Variants in ADTRP observed in about 807,000 individuals in gnomAD.
The protein encoded by ADTRP is androgen dependent TFPI regulating protein, also known as androgen-dependent TFPI-regulating protein.
Under a neutral mutation model 27.0 loss-of-function variants are expected in ADTRP, and 20 were observed. The observed-to-expected ratio is 0.74, with a 90% CI of 0.52 to 1.08. The LOEUF (loss-of-function observed/expected upper bound fraction) is 1.08. Ranked by LOEUF, ADTRP falls within the 50% of genes least tolerant of loss-of-function variation. The pLI is 0.00. For synonymous variants in ADTRP, 101 were observed against 105.2 expected (o/e 0.96, Z 0.25); for missense variants, 251 against 275.0 (o/e 0.91, Z 0.62).
At chr6:11,758,162 C>T in intron 3 of ADTRP, among the ~76,000 whole-genome samples, 1 of 152,128 alleles carries the variant, frequency 6.6e-6, no homozygotes, top group Admixed American at 6.5e-5. Context: ...TTCATTGGAC[C>T]TTATTCTGCA....
chr6:11,772,676 G>T (rs1045824276), intron 1 of ADTRP, among the ~76,000 whole-genome samples: 1 of 152,284 alleles, frequency 6.6e-6, no homozygotes, highest in Non-Finnish European at 1.5e-5. Context: ...AAGAATTTGC[G>T]GTGGAAGACT....
At chr6:11,719,915 G>A (rs1325261995) in intron 5 of ADTRP, among the ~76,000 whole-genome samples, 1 of 152,140 alleles carries the variant, frequency 6.6e-6, no homozygotes. Flanking sequence ...AGGTCCTGCT[G>A]TAGGCGCTAG....
chr6:11,732,276 T>G (rs900652727), intron 4 of ADTRP, among the ~76,000 whole-genome samples: 1 of 152,234 alleles, frequency 6.6e-6, no homozygotes, highest in Non-Finnish European at 1.5e-5. Context: ...TCAGCTTCAG[T>G]GCCGTTTTCC....
intron 3 of ADTRP, chr6:11,755,193 C>A (rs1454333976): frequency 2.3e-6 from 1 of 438,968 alleles, no homozygotes; most frequent in African/African-American, 2.2e-5. Flanking sequence ...CTAGTAACTT[C>A]TCAGAAGACA....
At position 11,756,448 on chromosome 6, in the gene ADTRP, G is replaced by A. The variant is rs531716054; in HGVS notation, c.390+9826C>T. Among the ~76,000 whole-genome samples, 20 of 152,220 alleles carry A rather than the reference G, an allele frequency of 1.3e-4. No individual in the cohort carries two copies. The East Asian group carries it at 3.7e-3, about 28-fold the overall frequency. On this transcript the variant is annotated intron_variant, in intron 3 of 5. Coordinates refer to ENST00000414691, the MANE Select transcript of ADTRP (RefSeq NM_032744.4). ...TTGTGATTTTAAAGACATTTCATAC[G>A]CCCTACCTTGGAAAAGTGTCATTTA...
intron 3 of ADTRP, among the ~76,000 whole-genome samples, chr6:11,754,299 G>A (rs145275770): frequency 6.6e-6 from 1 of 152,278 alleles, no homozygotes; most frequent in East Asian, 1.9e-4. Context: ...TCCAGCAAAT[G>A]CATGAGAGTG....
intron 1 of ADTRP, among the ~76,000 whole-genome samples, chr6:11,769,519 C>T (rs554656300): frequency 2.0e-5 from 3 of 152,234 alleles, no homozygotes; most frequent in African/African-American, 4.8e-5. Context: ...CTATCCCAGA[C>T]TACGGAATCA....
intron 5 of ADTRP, among the ~76,000 whole-genome samples, chr6:11,721,796 CTTG>C (rs1336040413): frequency 6.6e-6 from 1 of 152,030 alleles, no homozygotes; most frequent in Non-Finnish European, 1.5e-5. Flanking sequence ...AACAATGAGG[CTTG>C]TTAAGAACGT....
Position 11,778,754 on chromosome 6 carries a change from C to T in ADTRP, c.6G>A (p.Thr2=), listed in dbSNP as rs374417902. 153 of 1,613,644 alleles carry T rather than the reference C, an allele frequency of 9.5e-5. No individual in the cohort carries two copies. Among genetic ancestry groups the T allele is most frequent in the Admixed American group, 1.3e-4 (8 of 59,982 alleles). ...AGTGGTATATGCATGTAGAAGTCTT[C>T]GTCATGGCGAGTGCTGACCGGGGCA... M[T]KTSTCIYHFL... Residue 2 remains threonine (T), a synonymous_variant, in exon 1 of 6, where the codon ACG becomes ACA. Transcript: ENST00000414691.
chr6:11,723,175 C>T lies in ADTRP; in HGVS notation c.658+174G>A, dbSNP rs1017719364. On this transcript the variant is annotated intron_variant, in intron 5 of 5. Coordinates refer to ENST00000414691, the MANE Select transcript of ADTRP (RefSeq NM_032744.4). ...CTTTAAAAGAGTGCCCCACCCCCAA[C>T]GCTGTCCTCTTGCCTTGGCAGGACC... is the stretch of plus-strand genomic sequence containing the variant. Among the ~76,000 whole-genome samples the T allele has an allele frequency of 2.0e-5, 3 of 152,194 alleles. No homozygotes were observed. In the South Asian group the frequency reaches 6.2e-4, roughly 31 times the overall value.
chr6:11,723,309 G>A (rs2076186), intron 5 of ADTRP, 40 bp downstream of exon 5: 76,039 of 1,604,984 alleles, frequency 0.047, 6,055 homozygotes, highest in East Asian at 0.43. Context: ...AGGCAGACAC[G>A]GAAGAAGCGC....
chr6:11,742,585 T>A (rs186191300), intron 3 of ADTRP, among the ~76,000 whole-genome samples: 3 of 152,180 alleles, frequency 2.0e-5, no homozygotes, highest in Non-Finnish European at 4.4e-5. Context: ...GAAATTAAAG[T>A]TTTCCCCCTA....
intron 1 of ADTRP, among the ~76,000 whole-genome samples, chr6:11,773,566 G>A (rs1198049614): frequency 6.6e-6 from 1 of 152,210 alleles, no homozygotes; most frequent in Non-Finnish European, 1.5e-5. Flanking sequence ...CCTAAACCTT[G>A]GTCGAGGCAG....
intron 3 of ADTRP, among the ~76,000 whole-genome samples, chr6:11,765,343 T>C (rs1763533360): frequency 6.7e-6 from 1 of 148,308 alleles, no homozygotes; most frequent in African/African-American, 2.5e-5. Context: ...TTTTTTTTTT[T>C]TGAGGCAGAG....
chr6:11,744,623 A>G (rs1254594978), intron 3 of ADTRP, among the ~76,000 whole-genome samples: 1 of 152,128 alleles, frequency 6.6e-6, no homozygotes, highest in Non-Finnish European at 1.5e-5. Flanking sequence ...TTTGCTTGGT[A>G]TCTCCTCCAT....
At chr6:11,758,544 G>T (rs539472175) in intron 3 of ADTRP, among the ~76,000 whole-genome samples, 1 of 119,476 alleles carries the variant, frequency 8.4e-6, no homozygotes, top group South Asian at 3.0e-4. Flanking sequence ...CACAGGAAGG[G>T]GAACATCACA....
chr6:11,766,764 C>T (rs575220107), intron 2 of ADTRP, among the ~76,000 whole-genome samples: 6 of 152,274 alleles, frequency 3.9e-5, no homozygotes, highest in Admixed American at 1.3e-4. Flanking sequence ...GAGTCATACA[C>T]GTTCCTTGTC....
At chr6:11,775,636 C>G (rs1280049915) in intron 1 of ADTRP, among the ~76,000 whole-genome samples, 2 of 152,234 alleles carry the variant, frequency 1.3e-5, no homozygotes, top group Admixed American at 1.3e-4. Flanking sequence ...ATGGGTCACC[C>G]TGACCAATTC....
At chr6:11,724,291 G>A (rs1297656141) in intron 4 of ADTRP, among the ~76,000 whole-genome samples, 1 of 152,126 alleles carries the variant, frequency 6.6e-6, no homozygotes, top group African/African-American at 2.4e-5. Flanking sequence ...AAGTCTGCGG[G>A]GATGAGGGAG....
Sources: allele counts gnomAD v4.1 joint callset (sites outside exome capture counted in the v4.1 genomes callset), GRCh38; gene constraint gnomAD v4.1.1; transcripts MANE v1.5; gene names NCBI Gene and HGNC (gene_info 2026-07-23, HGNC 2026-07-21).